Variants in OSM observed in about 807,000 individuals in gnomAD.
OSM encodes the protein oncostatin M, also known as oncostatin-M.
OSM carries 1 observed loss-of-function variant against 6.3 expected under a neutral mutation model. The ratio of observed to expected loss-of-function variants is 0.16; its 90% CI spans 0.06 to 0.76. The LOEUF (loss-of-function observed/expected upper bound fraction) is 0.76, where lower values mean the gene tolerates loss of function less well. Among genes scored for constraint, OSM ranks in the 30% least tolerant of loss-of-function variants. OSM has a pLI of 0.77. For missense variants in OSM, 324 were observed against 336.9 expected (o/e 0.96, Z 0.30); for synonymous variants, 135 against 143.4 (o/e 0.94, Z 0.42).
intron 1 of OSM, chr22:30,265,599 A>T (rs913106533): frequency 1.1e-5 from 2 of 175,546 alleles, no homozygotes; most frequent in African/African-American, 4.7e-5. Context: ...TGGGCCTGAG[A>T]GGGCTTCAGG....
intron 1 of OSM, chr22:30,265,881 GTTGGGGGCGGGTACAGTTACCGC>G (rs1929377053): frequency 6.6e-6 from 1 of 152,400 alleles, no homozygotes; most frequent in Non-Finnish European, 1.5e-5. Context: ...GTCAGAAGGT[GTTGGGGGCGGGTACAGTTACCGC>G]TCACCACCAC....
At position 30,263,741 on chromosome 22, in the gene OSM, T is replaced by C; in HGVS notation, c.*142A>G. 3 of 604,786 alleles carry C rather than the reference T, an allele frequency of 5.0e-6. No homozygotes were observed. The highest frequency in any genetic ancestry group is 3.1e-5 in the South Asian group (1 of 32,138). 37.5% of individuals were successfully genotyped at this position (604,786 alleles called of 1,614,324 possible). A position where few individuals can be genotyped will look rare whatever the true frequency, so the allele number is the denominator to read the frequency against. On this transcript the variant is annotated 3_prime_UTR_variant, in exon 3 of 3. Coordinates refer to ENST00000215781, the MANE Select transcript of OSM (RefSeq NM_020530.6). ...GAGGAGGTAGAGGGGTCTGCCCAGC[T>C]CCCACCTCTTAAAGTGCACTTCTCA...
intron 2 of OSM, 103 bp from the exon 3 acceptor site, chr22:30,264,567 C>G: frequency 1.0e-6 from 1 of 972,468 alleles, no homozygotes; most frequent in Non-Finnish European, 1.5e-6. Flanking sequence ...CCAATCCAAT[C>G]TCCCACTGGA....
At chr22:30,265,398 C>T (rs555995792) in intron 1 of OSM, 8 of 985,440 alleles carry the variant, frequency 8.1e-6, no homozygotes, top group South Asian at 4.7e-5. Flanking sequence ...ACAGTGGCTG[C>T]GATTTACCAA....
intron 1 of OSM, chr22:30,265,888 G>C (rs1929377501): frequency 6.6e-6 from 1 of 152,360 alleles, no homozygotes; most frequent in Admixed American, 6.5e-5. Context: ...GGTGTTGGGG[G>C]CGGGTACAGT....
chr22:30,264,368 T>C lies in OSM; in HGVS notation c.274A>G (p.Arg92Gly). 6.2e-7 allele frequency: 1 copy of C among 1,614,024 alleles called. No homozygotes were observed. ...PSEETLRGLG[R>G]RGFLQTLNAT... ...TTGAGGGTCTGCAGGAAGCCCCGCC[T>C]GCCCAGCCCCCTCAGGGTCTCCTCA... The change falls in exon 3 of 3, where the codon AGG (arginine) becomes GGG (glycine). Residue 92 changes from arginine to glycine, a missense_variant. Coordinates refer to ENST00000215781, the MANE Select transcript of OSM (RefSeq NM_020530.6).
rs773687421 is a variant in OSM, at chr22:30,264,404, C to G, written c.238G>C (p.Ala80Pro). ...CTCAGGGTCTCCTCACTGGGGAAGG[C>G]CCCGGGGCGCTCCCTGCAGTGCTCT... ...LREHCRERPG[A>P]FPSEETLRGL... Residue 80 changes from alanine (A) to proline (P), a missense_variant, in exon 3 of 3, where the codon GCC (alanine) becomes CCC (proline). Physicochemically the swap from Ala to Pro is conservative, Grantham distance 27 (BLOSUM62 -1). Transcript: ENST00000215781. 2.5e-6 allele frequency: 4 copies of G among 1,613,684 alleles called. No homozygotes were observed. The Admixed American group carries it at 6.7e-5, about 27-fold the overall frequency.
At position 30,264,063 on chromosome 22, in the gene OSM, C is replaced by T. The variant is rs201006049; in HGVS notation, c.579G>A (p.Arg193=). 6.3e-7 allele frequency: 1 copy of T among 1,593,052 alleles called. No homozygotes were observed. The highest frequency in any genetic ancestry group is 1.1e-5 in the South Asian group (1 of 88,790). ...TGAAGCGATGGTAGCCATGCAGGAA[C>T]CTGCAGCCCTCCAGCTTGCGCTGAA... ...DAFQRKLEGC[R]FLHGYHRFMH... is the part of the protein sequence containing the mutation. The change falls in exon 3 of 3, where the codon AGG becomes AGA. Residue 193 remains arginine (R), a synonymous_variant. Coordinates refer to ENST00000215781, the MANE Select transcript of OSM (RefSeq NM_020530.6).
intron 1 of OSM, 33 bp from the exon 2 acceptor site, chr22:30,265,177 G>A (rs919802190): frequency 1.3e-6 from 2 of 1,590,838 alleles, no homozygotes; most frequent in Admixed American, 3.4e-5. Context: ...CACCTGACTT[G>A]GTGAGGAAAG....
At chr22:30,264,575 G>T in intron 2 of OSM, 111 bp from the exon 3 acceptor site, 1 of 901,194 alleles carries the variant, frequency 1.1e-6, no homozygotes, top group Non-Finnish European at 1.7e-6. Flanking sequence ...ATCTCCCACT[G>T]GACAGATCCG....
rs767746513 is a variant in OSM at position 30,266,809 on chromosome 22, C to T, written c.-10G>A. On this transcript the variant is annotated 5_prime_UTR_variant, in exon 1 of 3. Transcript: ENST00000215781. The surrounding 1 kb of genome is among the most constrained non-coding windows in gnomAD (Gnocchi z 5.0). ...TGAGCAGTACCCCCATGCTGGGTGC[C>T]CGTGCTCCGGCCCGCGCCCGCTGGG... 4 of 1,611,208 alleles carry T rather than the reference C, an allele frequency of 2.5e-6. No homozygotes were observed. The highest frequency in any genetic ancestry group is 1.1e-5 in the South Asian group (1 of 90,944).
Position 30,265,032 on chromosome 22 carries a change from C to A in OSM, c.147G>T (p.Met49Ile). The change falls in exon 2 of 3, where the codon ATG becomes ATT. Residue 49 changes from methionine (M) to isoleucine (I), a missense_variant. Physicochemically the swap from Met to Ile is conservative, Grantham distance 10. Coordinates refer to ENST00000215781, the MANE Select transcript of OSM (RefSeq NM_020530.6). ...GGTCCAGGAGTCTGCTGGTGTCCTG[C>A]ATGAGATCTGTCTGCTTCTGGAGCT... ...LGQLQKQTDLMQDTSRLLDPY... is the reference protein window; with the variant it reads ...LGQLQKQTDLIQDTSRLLDPY... The A allele has an allele frequency of 6.2e-7, 1 of 1,614,158 alleles. No individual in the cohort carries two copies. Among genetic ancestry groups the A allele is most frequent in the Non-Finnish European group, 8.5e-7 (1 of 1,180,006 alleles).
rs1160887235 is a variant in OSM at position 30,264,269 on chromosome 22, T to C, written c.373A>G (p.Arg125Gly). Reference sequence around the variant, plus strand: ...AAGTCCTCGATGTTCAGCCCAGACCTCTCCAAATCCTGGGCCTTGGGGAGG... The same window carrying C: ...AAGTCCTCGATGTTCAGCCCAGACCCCTCCAAATCCTGGGCCTTGGGGAGG... ...QRLPKAQDLE[R>G]SGLNIEDLEK... The change falls in exon 3 of 3, where the codon AGG (arginine) becomes GGG (glycine). Residue 125 changes from arginine to glycine, a missense_variant. Coordinates refer to ENST00000215781, the MANE Select transcript of OSM (RefSeq NM_020530.6). 1 of 1,613,958 alleles carries C rather than the reference T, an allele frequency of 6.2e-7. No individual in the cohort carries two copies. Among genetic ancestry groups the C allele is most frequent in the Non-Finnish European group, 8.5e-7 (1 of 1,180,012 alleles).
Position 30,264,309 on chromosome 22 carries a change from G to A in OSM, c.333C>T (p.Ala111=), listed in dbSNP as rs373680590. 52 of 1,614,058 alleles carry A rather than the reference G, an allele frequency of 3.2e-5. No individual in the cohort carries two copies. Among genetic ancestry groups the A allele is most frequent in the African/African-American group, 3.1e-4 (23 of 75,064 alleles). ...CCTTGGGGAGGCGCTGCTCTAAGTCGGCCAGTCTGTGCAGGACGCAGCCCA... is the reference window on the plus strand; with the variant it reads ...CCTTGGGGAGGCGCTGCTCTAAGTCAGCCAGTCTGTGCAGGACGCAGCCCA... ...ATLGCVLHRL[A]DLEQRLPKAQ... is the part of the protein sequence containing the mutation. Residue 111 remains alanine, a synonymous_variant, in exon 3 of 3, where the codon GCC becomes GCT. Coordinates refer to ENST00000215781, the MANE Select transcript of OSM (RefSeq NM_020530.6).
Position 30,264,416 on chromosome 22 carries a change from C to G in OSM, c.226G>C (p.Glu76Gln). ...DVPKLREHCR[E>Q]RPGAFPSEET... The stretch of plus-strand genomic sequence containing the variant: ...TCACTGGGGAAGGCCCCGGGGCGCT[C>G]CCTGCAGTGCTCTCTCAGTTTAGGA... Residue 76 changes from glutamate (E) to glutamine (Q), a missense_variant, in exon 3 of 3, where the codon GAG (glutamate) becomes CAG (glutamine). Transcript: ENST00000215781. The G allele has an allele frequency of 1.2e-6, 2 of 1,612,854 alleles. No individual in the cohort carries two copies. Among genetic ancestry groups the G allele is most frequent in the Non-Finnish European group, 1.7e-6 (2 of 1,179,014 alleles).
Position 30,264,339 on chromosome 22 carries a change from G to A in OSM, c.303C>T (p.Ala101=). 6.2e-7 allele frequency: 1 copy of A among 1,613,954 alleles called. No individual in the cohort carries two copies. The highest frequency in any genetic ancestry group is 8.5e-7 in the Non-Finnish European group (1 of 1,180,036). The change falls in exon 3 of 3, where the codon GCC becomes GCT. Residue 101 remains alanine, a synonymous_variant. Transcript: ENST00000215781. The part of the protein sequence containing the change: ...GRRGFLQTLN[A]TLGCVLHRLA... ...GTCTGTGCAGGACGCAGCCCAGTGT[G>A]GCATTGAGGGTCTGCAGGAAGCCCC...
At position 30,266,723 on chromosome 22, in the gene OSM, G is replaced by A; in HGVS notation, c.34+43C>T. 1.2e-6 allele frequency: 2 copies of A among 1,610,322 alleles called. No individual in the cohort carries two copies. The highest frequency in any genetic ancestry group is 8.5e-7 in the Non-Finnish European group (1 of 1,177,256). On this transcript the variant is annotated intron_variant, in intron 1 of 2. Coordinates refer to ENST00000215781, the MANE Select transcript of OSM (RefSeq NM_020530.6). This position sits in a 1 kb window ranked among gnomAD's most constrained non-coding sequence, Gnocchi z 5.0. ...TGCTCCCCACCGGCACCCGTGGGCA[G>A]ACCCAGCAGGCGGGTTCTGGCGGGG...
At position 30,264,023 on chromosome 22, in the gene OSM, G is replaced by A. The variant is rs138618678; in HGVS notation, c.619C>T (p.Arg207Trp). ...GYHRFMHSVG[R>W]VFSKWGESPN... ...CTCTCCCCCCACTTGCTGAAGACCC[G>A]CCCCACTGAGTGCATGAAGCGATGG... Residue 207 changes from arginine to tryptophan, a missense_variant, in exon 3 of 3, where the codon CGG (arginine) becomes TGG (tryptophan). Coordinates refer to ENST00000215781, the MANE Select transcript of OSM (RefSeq NM_020530.6). 1.3e-4 allele frequency: 200 copies of A among 1,567,310 alleles called. No homozygotes were observed. In the African/African-American group the frequency reaches 2.3e-3, roughly 18 times the overall value.
intron 2 of OSM, 25 bp downstream of exon 2, chr22:30,264,977 A>G (rs759815741): frequency 6.2e-7 from 1 of 1,610,634 alleles, no homozygotes; most frequent in South Asian, 1.1e-5. Flanking sequence ...TGAGACTCAG[A>G]TGCCACAAGG....
Sources: allele counts gnomAD v4.1 joint callset, GRCh38; gene constraint gnomAD v4.1.1; non-coding constraint Gnocchi (gnomAD v3.1); transcripts MANE v1.5; gene names NCBI Gene and HGNC (gene_info 2026-07-23, HGNC 2026-07-21).